Variants in TALDO1 observed in about 807,000 individuals in gnomAD.
TALDO1 encodes transaldolase 1.
A neutral mutation model predicts 38.1 loss-of-function variants in TALDO1; 29 were observed. The ratio of observed to expected loss-of-function variants is 0.76; its 90% CI spans 0.57 to 1.04. The LOEUF is 1.04. Among genes scored for constraint, TALDO1 ranks in the 50% least tolerant of loss-of-function variants. The pLI is 0.00. For missense variants in TALDO1, 499 were observed against 438.1 expected, an observed-to-expected ratio of 1.14 and a Z score of -1.24; for synonymous variants, 207 against 176.8, an observed-to-expected ratio of 1.17 and a Z score of -1.36.
intron 4 of TALDO1, among the ~76,000 whole-genome samples, chr11:761,545 G>GA (rs1166974533): frequency 6.6e-6 from 1 of 152,126 alleles, no homozygotes; most frequent in African/African-American, 2.4e-5. Flanking sequence ...GGAAGAGACA[G>GA]AAAATGTATA....
chr11:764,926 G>GT lies in TALDO1; in HGVS notation c.*87dup, dbSNP rs1424348892. On this transcript the variant is annotated 3_prime_UTR_variant, in exon 8 of 8. Coordinates refer to ENST00000319006, the MANE Select transcript of TALDO1 (RefSeq NM_006755.2). ...GCACGTGGCTTCTGATGAATCTTGC[G>GT]TTTTTTACAAATTGGAGCAGGGACA... is the stretch of plus-strand genomic sequence containing the variant. 6.3e-6 allele frequency: 10 copies of GT among 1,591,224 alleles called. No homozygotes were observed. In the Admixed American group the frequency reaches 1.2e-4, roughly 19 times the overall value.
intron 1 of TALDO1, among the ~76,000 whole-genome samples, chr11:751,662 G>A (rs1862753397): frequency 6.6e-6 from 1 of 152,140 alleles, no homozygotes; most frequent in African/African-American, 2.4e-5. Flanking sequence ...GGGTATGGTG[G>A]CAGGTGCCTG....
intron 2 of TALDO1, among the ~76,000 whole-genome samples, chr11:757,250 C>A (rs964236776): frequency 2.0e-5 from 3 of 151,400 alleles, no homozygotes; most frequent in Admixed American, 6.6e-5. Flanking sequence ...GCTGGGTGAT[C>A]AACAGATGAG....
At chr11:753,723 C>T (rs1009488275) in intron 1 of TALDO1, among the ~76,000 whole-genome samples, 10 of 151,492 alleles carry the variant, frequency 6.6e-5, no homozygotes, top group African/African-American at 2.2e-4. Context: ...GACTCCGTCT[C>T]GGAAAAAAAT....
intron 3 of TALDO1, 51 bp from the exon 4 acceptor site, chr11:760,071 T>TG (rs1862903623): frequency 6.2e-7 from 1 of 1,611,206 alleles, no homozygotes; most frequent in East Asian, 2.2e-5. Context: ...TTGCTCTGCG[T>TG]GGTGGGCAAC....
At chr11:751,108 T>C (rs965314471) in intron 1 of TALDO1, among the ~76,000 whole-genome samples, 4 of 152,040 alleles carry the variant, frequency 2.6e-5, no homozygotes, top group Admixed American at 6.6e-5. Flanking sequence ...GGCTGTATAG[T>C]GGTGCAATCA....
chr11:763,203 T>TTC, intron 4 of TALDO1, 141 bp from the exon 5 acceptor site: 1 of 103,856 alleles, frequency 9.6e-6, no homozygotes, highest in Admixed American at 1.4e-4. Context: ...CGCCCTCACC[T>TTC]GCCCCGCCCT....
Position 747,491 on chromosome 11 carries a change from T to C in TALDO1, c.10T>C (p.Ser4Pro), listed in dbSNP as rs765509037. 2.5e-5 allele frequency: 40 copies of C among 1,597,600 alleles called. No homozygotes were observed. In the East Asian group the frequency reaches 9.0e-4, roughly 36 times the overall value. The part of the protein sequence containing the change: MSS[S>P]PVKRQRMESA... Reference sequence around the variant, plus strand: ...ACCCCTCGGTCTTGCTATGTCGAGCTCACCCGTGAAGCGTCAGAGGATGGA... The same window carrying C: ...ACCCCTCGGTCTTGCTATGTCGAGCCCACCCGTGAAGCGTCAGAGGATGGA... Residue 4 changes from serine to proline, a missense_variant, in exon 1 of 8, where the codon TCA becomes CCA. Physicochemically the swap from Ser to Pro is moderately conservative, Grantham distance 74. Transcript: ENST00000319006.
intron 3 of TALDO1, 53 bp from the exon 4 acceptor site, chr11:760,069 C>G (rs1862903542): frequency 3.1e-6 from 5 of 1,610,446 alleles, no homozygotes; most frequent in Non-Finnish European, 4.2e-6. Context: ...GCTTGCTCTG[C>G]GTGGTGGGCA....
intron 1 of TALDO1, among the ~76,000 whole-genome samples, chr11:748,793 T>C (rs1862701456): frequency 6.6e-6 from 1 of 152,186 alleles, no homozygotes; most frequent in South Asian, 2.1e-4. Flanking sequence ...TGTGAATCCC[T>C]CACACACACA....
chr11:763,276 TCACCCGCCCCC>T, intron 4 of TALDO1, 57 bp from the exon 5 acceptor site: 3 of 194,114 alleles, frequency 1.5e-5, no homozygotes, highest in Non-Finnish European at 2.8e-5. Flanking sequence ...GTCCCCGCCC[TCACCCGCCCCC>T]GCCCTCACCT....
intron 3 of TALDO1, 38 bp downstream of exon 3, chr11:759,095 G>C: frequency 6.4e-7 from 1 of 1,565,394 alleles, no homozygotes; most frequent in Non-Finnish European, 8.8e-7. Context: ...GGGCTGGTCA[G>C]GTGTCCACAG....
Position 764,305 on chromosome 11 carries a change from G to GA in TALDO1, c.859dup (p.Ile287AsnfsTer5). ...TCCCCCAGCCCAAGCCAGTGACCTG[G>GA]AAAAAATCCACCTGGATGAGAAGTC... is the stretch of plus-strand genomic sequence containing the variant. On this transcript the variant is annotated frameshift_variant, in exon 7 of 8. Coordinates refer to ENST00000319006, the MANE Select transcript of TALDO1 (RefSeq NM_006755.2). LOFTEE classifies it high-confidence loss of function. 6.2e-7 allele frequency: 1 copy of GA among 1,614,190 alleles called. No homozygotes were observed. The highest frequency in any genetic ancestry group is 2.2e-5 in the East Asian group (1 of 44,886).
At chr11:752,684 C>T (rs574469170) in intron 1 of TALDO1, among the ~76,000 whole-genome samples, 1 of 152,150 alleles carries the variant, frequency 6.6e-6, no homozygotes, top group South Asian at 2.1e-4. Flanking sequence ...GCACCGTGCC[C>T]CTTCTCACAT....
intron 1 of TALDO1, among the ~76,000 whole-genome samples, chr11:750,547 G>A (rs975961878): frequency 2.6e-5 from 4 of 152,194 alleles, no homozygotes; most frequent in Non-Finnish European, 4.4e-5. Context: ...AACTTCGGCC[G>A]GGTGTGGTGG....
At chr11:761,038 AAAG>A in intron 4 of TALDO1, 1 of 151,062 alleles carries the variant, frequency 6.6e-6, no homozygotes, top group Non-Finnish European at 1.5e-5. Context: ...CTCAAAAAGA[AAAG>A]AAAACTTTTA....
At chr11:752,369 C>G (rs1038538902) in intron 1 of TALDO1, 8 of 152,354 alleles carry the variant, frequency 5.3e-5, no homozygotes, top group African/African-American at 1.7e-4. Context: ...CACCAGCCAC[C>G]GCGCCCGGCC....
intron 5 of TALDO1, 102 bp downstream of exon 5, chr11:763,621 T>G: frequency 1.9e-6 from 3 of 1,577,430 alleles, no homozygotes; most frequent in East Asian, 2.2e-5. Context: ...AGCAGTGAGG[T>G]GCACAGGTCG....
chr11:759,054 C>T lies in TALDO1; in HGVS notation c.326C>T (p.Ala109Val), dbSNP rs774215394. 1 of 1,611,198 alleles carries T rather than the reference C, an allele frequency of 6.2e-7. No individual in the cohort carries two copies. Among genetic ancestry groups the T allele is most frequent in the East Asian group, 2.2e-5 (1 of 44,768 alleles). Residue 109 changes from alanine (A) to valine (V), a missense_variant, in exon 3 of 8, where the codon GCA becomes GTA. Transcript: ENST00000319006. ...GGCCGAGTATCCACAGAAGTAGACG[C>T]AAGGTAAGGATGCTTGCTCCTGCAC... ...IPGRVSTEVD[A>V]RLSFDKDAMV...
Sources: allele counts gnomAD v4.1 joint callset (sites outside exome capture counted in the v4.1 genomes callset), GRCh38; gene constraint gnomAD v4.1.1; transcripts MANE v1.5; gene names NCBI Gene and HGNC (gene_info 2026-07-23, HGNC 2026-07-21).